SPAG6: variants seen among roughly 807,000 people sequenced by gnomAD.
The protein encoded by SPAG6 is sperm associated antigen 6.
SPAG6 carries 49 observed loss-of-function variants against 58.5 expected under a neutral mutation model. The ratio of observed to expected loss-of-function variants is 0.84; its 90% CI spans 0.67 to 1.06. The LOEUF (loss-of-function observed/expected upper bound fraction) is 1.06. Ranked by LOEUF, SPAG6 falls within the 50% of genes least tolerant of loss-of-function variation. SPAG6 has a pLI of 0.00. For synonymous variants in SPAG6, 233 were observed against 225.6 expected (o/e 1.03, Z -0.29); for missense variants, 560 against 611.3 (o/e 0.92, Z 0.89).
At chr10:22,348,450 A>G (rs1432306391) in intron 2 of SPAG6, among the ~76,000 whole-genome samples, 2 of 152,224 alleles carry the variant, frequency 1.3e-5, no homozygotes, top group East Asian at 3.8e-4. Flanking sequence ...ATACCAATGC[A>G]TATTACTCCT....
intron 4 of SPAG6, among the ~76,000 whole-genome samples, chr10:22,384,804 T>C (rs1834031033): frequency 6.6e-6 from 1 of 152,208 alleles, no homozygotes; most frequent in Non-Finnish European, 1.5e-5. Context: ...GCTTTCTTTT[T>C]AACATTATGT....
intron 4 of SPAG6, among the ~76,000 whole-genome samples, chr10:22,380,616 A>C (rs1833931640): frequency 6.8e-6 from 1 of 147,920 alleles, no homozygotes; most frequent in Non-Finnish European, 1.5e-5. Context: ...CAAAATGTAG[A>C]TTTTTTTTTT....
chr10:22,352,299 T>G (rs1206786963), intron 2 of SPAG6, among the ~76,000 whole-genome samples: 1 of 152,218 alleles, frequency 6.6e-6, no homozygotes, highest in Admixed American at 6.5e-5. Flanking sequence ...AGAATCACTA[T>G]TAAAGTATAT....
chr10:22,348,816 A>C (rs928168989), intron 2 of SPAG6, among the ~76,000 whole-genome samples: 5 of 152,182 alleles, frequency 3.3e-5, no homozygotes, highest in Admixed American at 2.0e-4. Flanking sequence ...GTTATTTGGA[A>C]AAGATTAAGT....
intron 4 of SPAG6, among the ~76,000 whole-genome samples, chr10:22,377,171 G>A (rs1197472096): frequency 6.6e-6 from 1 of 152,140 alleles, no homozygotes; most frequent in Non-Finnish European, 1.5e-5. Context: ...CTATGGAAAG[G>A]TTCACATGGT....
intron 2 of SPAG6, among the ~76,000 whole-genome samples, chr10:22,364,016 C>G (rs1837121730): frequency 6.6e-6 from 1 of 152,164 alleles, no homozygotes; most frequent in Admixed American, 6.6e-5. Flanking sequence ...ATAGAAAGAG[C>G]TGGAATATCC....
chr10:22,368,626 A>C lies in SPAG6; in HGVS notation c.420A>C (p.Gly140=), dbSNP rs1262739320. 6.2e-7 allele frequency: 1 copy of C among 1,613,944 alleles called. No homozygotes were observed. The highest frequency in any genetic ancestry group is 8.5e-7 in the Non-Finnish European group (1 of 1,179,938). ...LVICLEDFDP[G]VKEAAAWALR... ...TATGCTTGGAAGATTTTGACCCTGGAGTCAAGGAGGCTGCAGCCTGGGCAC... is the reference window on the plus strand; with the variant it reads ...TATGCTTGGAAGATTTTGACCCTGGCGTCAAGGAGGCTGCAGCCTGGGCAC... The change falls in exon 4 of 11, where the codon GGA becomes GGC. Residue 140 remains glycine (G), a synonymous_variant. Transcript: ENST00000376624.
chr10:22,410,144 A>T (rs961577694), intron 9 of SPAG6, among the ~76,000 whole-genome samples: 1 of 152,000 alleles, frequency 6.6e-6, no homozygotes, highest in African/African-American at 2.4e-5. Context: ...GGATTTATTG[A>T]TTCCTTACGT....
At chr10:22,401,687 T>C (rs997668222) in intron 9 of SPAG6, among the ~76,000 whole-genome samples, 4 of 152,168 alleles carry the variant, frequency 2.6e-5, no homozygotes, top group Non-Finnish European at 5.9e-5. Context: ...TTACTGGAGA[T>C]GTTCTCAGAC....
intron 9 of SPAG6, among the ~76,000 whole-genome samples, chr10:22,401,694 A>C (rs888891320): frequency 1.3e-5 from 2 of 152,250 alleles, no homozygotes; most frequent in African/African-American, 2.4e-5. Context: ...AGATGTTCTC[A>C]GACAGTCATT....
chr10:22,349,817 G>GT (rs1836668267), intron 2 of SPAG6, among the ~76,000 whole-genome samples: 1 of 152,122 alleles, frequency 6.6e-6, no homozygotes, highest in Non-Finnish European at 1.5e-5. Flanking sequence ...AACTTAATGG[G>GT]TTCAGAATTC....
intron 3 of SPAG6, among the ~76,000 whole-genome samples, chr10:22,368,290 G>T (rs1442281217): frequency 2.6e-5 from 4 of 152,108 alleles, no homozygotes; most frequent in African/African-American, 9.7e-5. Context: ...AACCTACCTT[G>T]TTTTCAGTTG....
Position 22,386,733 on chromosome 10 carries a change from T to C in SPAG6, c.473-21T>C, listed in dbSNP as rs756506258. On this transcript the variant is annotated intron_variant, in intron 4 of 10. Transcript: ENST00000376624. ...GGGTCAGTCACCCATACTCACTTAATTACTTTTCTTGGACCCACAGAACTG... is the reference window on the plus strand; with the variant it reads ...GGGTCAGTCACCCATACTCACTTAACTACTTTTCTTGGACCCACAGAACTG... 2.5e-6 allele frequency: 4 copies of C among 1,604,954 alleles called. No homozygotes were observed. In the South Asian group the frequency reaches 4.4e-5, roughly 18 times the overall value.
chr10:22,392,204 A>T (rs905607643), intron 8 of SPAG6, among the ~76,000 whole-genome samples: 1 of 152,134 alleles, frequency 6.6e-6, no homozygotes, highest in Non-Finnish European at 1.5e-5. Flanking sequence ...TTGAAGAATA[A>T]TAGAATTTTT....
Position 22,365,028 on chromosome 10 carries a change from TA to T in SPAG6, c.288+17del, listed in dbSNP as rs747289906. On this transcript the variant is annotated intron_variant, in intron 3 of 10. Transcript: ENST00000376624. ...CATTGGCAGAACAGAATGTAAGAAT[TA>T]AAAAAAACTAGTTATATGTTTTTTT... The T allele has an allele frequency of 1.5e-5, 23 of 1,562,192 alleles. No individual in the cohort carries two copies. The highest frequency in any genetic ancestry group is 3.4e-4 in the Middle Eastern group (2 of 5,864).
intron 7 of SPAG6, among the ~76,000 whole-genome samples, chr10:22,389,814 A>G (rs1834145192): frequency 6.6e-6 from 1 of 152,162 alleles, no homozygotes; most frequent in Non-Finnish European, 1.5e-5. Flanking sequence ...GGCAATTCAG[A>G]GCACATGTCA....
intron 8 of SPAG6, 140 bp from the exon 9 acceptor site, chr10:22,401,021 A>G (rs566136798): frequency 3.4e-6 from 2 of 587,414 alleles, no homozygotes; most frequent in African/African-American, 1.9e-5. Flanking sequence ...TTTTTGGACA[A>G]CAATTTTAAA....
rs1432153637 is a variant in SPAG6, at chr10:22,389,408, C to A, written c.1005+96C>A. On this transcript the variant is annotated intron_variant, in intron 7 of 10. Coordinates refer to ENST00000376624, the MANE Select transcript of SPAG6 (RefSeq NM_012443.4). The stretch of plus-strand genomic sequence containing the variant: ...CCAACAGAATACAAAATATAACTGA[C>A]TGGAGCAAAAAAATTACCTGAAAAA... The A allele has an allele frequency of 3.1e-6, 4 of 1,293,574 alleles. No homozygotes were observed. In the Admixed American group the frequency reaches 7.2e-5, roughly 23 times the overall value. The allele number at this position is 1,293,574 out of a possible 1,614,324, so 80.1% of individuals were successfully genotyped here.
chr10:22,352,394 T>C (rs547010830), intron 2 of SPAG6, among the ~76,000 whole-genome samples: 1 of 152,222 alleles, frequency 6.6e-6, no homozygotes, highest in African/African-American at 2.4e-5. Context: ...TTAAAAAAAA[T>C]TGAGGGATTA....
Sources: gnomAD v4.1 joint callset for allele counts (sites outside exome capture counted in the v4.1 genomes callset) on GRCh38, gnomAD v4.1.1 for gene constraint, MANE v1.5 for transcripts, NCBI Gene and HGNC (gene_info 2026-07-23, HGNC 2026-07-21) for gene names.